The following SVOPL variants were observed in gnomAD, a reference collection of about 807,000 sequenced individuals.
SVOPL encodes putative transporter SVOPL.
Under a neutral mutation model 61.0 loss-of-function variants are expected in SVOPL, and 60 were observed. That is an observed-to-expected ratio of 0.98 (90% CI 0.80 to 1.22). The LOEUF is 1.22. SVOPL is among the 50% of genes most tolerant of loss of function. The pLI is 0.00. For missense variants in SVOPL, 662 were observed against 643.9 expected (o/e 1.03, Z -0.30); for synonymous variants, 279 against 250.0 (o/e 1.12, Z -1.09).
intron 3 of SVOPL, among the ~76,000 whole-genome samples, chr7:138,676,996 C>T (rs577057061): frequency 6.6e-6 from 1 of 151,476 alleles, no homozygotes; most frequent in Non-Finnish European, 1.5e-5. Context: ...CTCCACCTCC[C>T]GGATTCACGC....
intron 14 of SVOPL, among the ~76,000 whole-genome samples, chr7:138,600,204 G>A (rs549145334): frequency 4.6e-5 from 7 of 152,252 alleles, no homozygotes; most frequent in Admixed American, 4.6e-4. Context: ...AAAATATGAC[G>A]ATAGTAAATG....
At chr7:138,678,867 G>A in intron 2 of SVOPL, 97 bp downstream of exon 2, 1 of 1,265,694 alleles carries the variant, frequency 7.9e-7, no homozygotes, top group Non-Finnish European at 1.1e-6. Context: ...ACCATGCCTG[G>A]CTGCTTCTTT....
intron 4 of SVOPL, among the ~76,000 whole-genome samples, chr7:138,664,058 G>T (rs533599643): frequency 6.6e-6 from 1 of 152,062 alleles, no homozygotes; most frequent in African/African-American, 2.4e-5. Flanking sequence ...GAAACGTTCC[G>T]TAACCCTGTT....
chr7:138,600,306 T>A (rs1171116825), intron 14 of SVOPL, among the ~76,000 whole-genome samples: 1 of 152,176 alleles, frequency 6.6e-6, no homozygotes, highest in Non-Finnish European at 1.5e-5. Context: ...TTTAAAAACT[T>A]GCTATCCCTG....
intron 9 of SVOPL, 119 bp from the exon 10 acceptor site, chr7:138,630,241 C>A: frequency 1.3e-6 from 1 of 764,086 alleles, no homozygotes; most frequent in Non-Finnish European, 2.3e-6. Context: ...CCTGCGATAA[C>A]CACTCAGCTC....
Position 138,625,956 on chromosome 7 carries a change from C to T in SVOPL, c.1263+13G>A. The T allele has an allele frequency of 6.2e-7, 1 of 1,613,808 alleles. No homozygotes were observed. The highest frequency in any genetic ancestry group is 8.5e-7 in the Non-Finnish European group (1 of 1,179,844). On this transcript the variant is annotated intron_variant, in intron 13 of 15. Coordinates refer to ENST00000674285, the MANE Select transcript of SVOPL (RefSeq NM_001139456.2). ...ACACACCCTTTGTAAGCAAGCCTTG[C>T]ATGAAAACTCACCTCAGCTGTGTAA...
intron 8 of SVOPL, among the ~76,000 whole-genome samples, chr7:138,645,247 C>T (rs1001966291): frequency 6.6e-6 from 1 of 152,132 alleles, no homozygotes; most frequent in Non-Finnish European, 1.5e-5. Flanking sequence ...ACAGGGGGCT[C>T]CAGCACCCAC....
chr7:138,671,824 T>G (rs1034518676), intron 4 of SVOPL, among the ~76,000 whole-genome samples, 195 bp downstream of exon 4: 1 of 152,202 alleles, frequency 6.6e-6, no homozygotes, highest in African/African-American at 2.4e-5. Flanking sequence ...CTCATGTGGA[T>G]AGTAAGCAGT....
intron 13 of SVOPL, among the ~76,000 whole-genome samples, chr7:138,625,509 G>A (rs1799852410): frequency 1.3e-5 from 2 of 152,094 alleles, no homozygotes; most frequent in South Asian, 4.1e-4. Context: ...CTTGCATATA[G>A]ATGTATTAAT....
chr7:138,677,653 C>G (rs186600480), intron 3 of SVOPL, among the ~76,000 whole-genome samples: 1 of 151,626 alleles, frequency 6.6e-6, no homozygotes, highest in African/African-American at 2.4e-5. Flanking sequence ...AGTCTAGCAC[C>G]TTTTAAAGGT....
rs1803189079 is a variant in SVOPL at position 138,701,217 on chromosome 7, T to C, written c.-74A>G. ...TGGACAGTCTTCCAATTTCAGGCTC[T>C]TTTGCTCCCCTCACCGTGGCCAAGT... On this transcript the variant is annotated 5_prime_UTR_variant, in exon 1 of 16. Coordinates refer to ENST00000674285, the MANE Select transcript of SVOPL (RefSeq NM_001139456.2). The C allele has an allele frequency of 6.6e-6, 1 of 152,188 alleles. No individual in the cohort carries two copies. The allele number at this position is 152,188 out of a possible 1,614,324, so 9.4% of individuals were successfully genotyped here. A position where few individuals can be genotyped will look rare whatever the true frequency, so the allele number is the denominator to read the frequency against.
At chr7:138,597,016 G>T in intron 14 of SVOPL, 1 of 1,153,966 alleles carries the variant, frequency 8.7e-7, no homozygotes, top group Non-Finnish European at 1.1e-6. Flanking sequence ...AATGTGTCTT[G>T]TCTCCGGTTA....
intron 1 of SVOPL, chr7:138,689,556 TA>T: frequency 2.4e-6 from 1 of 416,328 alleles, no homozygotes; most frequent in Non-Finnish European, 4.2e-6. Flanking sequence ...AAATTAAAAG[TA>T]AAAAAAGAAA....
At chr7:138,637,599 G>A (rs1444709357) in intron 9 of SVOPL, among the ~76,000 whole-genome samples, 1 of 151,882 alleles carries the variant, frequency 6.6e-6, no homozygotes, top group Non-Finnish European at 1.5e-5. Flanking sequence ...AGCTAAATCT[G>A]TACTGTGTTT....
At chr7:138,643,610 C>T (rs1474020729) in intron 9 of SVOPL, among the ~76,000 whole-genome samples, 1 of 151,942 alleles carries the variant, frequency 6.6e-6, no homozygotes, top group African/African-American at 2.4e-5. Flanking sequence ...ACCTATGCTA[C>T]ATGGATGAAC....
chr7:138,681,062 G>C (rs1361265825), intron 1 of SVOPL, among the ~76,000 whole-genome samples: 19 of 151,144 alleles, frequency 1.3e-4, no homozygotes, highest in Non-Finnish European at 1.5e-5. Flanking sequence ...AGGAACCCAG[G>C]TTTTCATTGT....
intron 13 of SVOPL, among the ~76,000 whole-genome samples, chr7:138,622,818 G>A (rs1031307307): frequency 2.0e-5 from 3 of 152,124 alleles, no homozygotes; most frequent in African/African-American, 7.2e-5. Flanking sequence ...TAATTAATTG[G>A]TTTTTCATTG....
At chr7:138,643,603 T>C (rs1399941931) in intron 9 of SVOPL, among the ~76,000 whole-genome samples, 1 of 152,044 alleles carries the variant, frequency 6.6e-6, no homozygotes, top group Admixed American at 6.6e-5. Flanking sequence ...AATTCTGACC[T>C]ATGCTACATG....
chr7:138,657,345 G>A (rs1801796991), intron 6 of SVOPL, among the ~76,000 whole-genome samples: 1 of 151,886 alleles, frequency 6.6e-6, no homozygotes, highest in African/African-American at 2.4e-5. Flanking sequence ...TTGTAGAGAT[G>A]GGACCTTGCT....
Sources: allele counts gnomAD v4.1 joint callset (sites outside exome capture counted in the v4.1 genomes callset), GRCh38; gene constraint gnomAD v4.1.1; transcripts MANE v1.5; gene names NCBI Gene and HGNC (gene_info 2026-07-23, HGNC 2026-07-21).